Variants in DOCK8 observed in about 807,000 individuals in gnomAD.
The protein encoded by DOCK8 is dedicator of cytokinesis 8, also known as dedicator of cytokinesis protein 8.
DOCK8 carries 141 observed loss-of-function variants against 245.6 expected under a neutral mutation model. That is an observed-to-expected ratio of 0.57 (90% CI 0.50 to 0.66). The LOEUF is 0.66. Among genes scored for constraint, DOCK8 ranks in the 30% least tolerant of loss-of-function variants. The pLI, the probability that DOCK8 is intolerant of heterozygous loss-of-function variation, is 0.00. For synonymous variants in DOCK8, 1,168 were observed against 970.2 expected (o/e 1.20, Z -3.79); for missense variants, 2,965 against 2,603.4 (o/e 1.14, Z -3.02).
chr9:404,980 C>A lies in DOCK8; in HGVS notation c.3297C>A (p.Ile1099=), dbSNP rs752345254. The change falls in exon 27 of 48, where the codon ATC becomes ATA. Residue 1099 remains isoleucine (I), a synonymous_variant. Coordinates refer to ENST00000432829, the MANE Select transcript of DOCK8 (RefSeq NM_203447.4). ...CCATGAGGCTAGAGTTCCTGAGAATCCTCTGTAGCCATGAGCATTACCTCA... is the reference window on the plus strand; with the variant it reads ...CCATGAGGCTAGAGTTCCTGAGAATACTCTGTAGCCATGAGCATTACCTCA... ...LISMRLEFLR[I]LCSHEHYLNL... The A allele has an allele frequency of 5.0e-6, 8 of 1,613,908 alleles. No individual in the cohort carries two copies. In the Admixed American group the frequency reaches 8.3e-5, roughly 17 times the overall value.
intron 33 of DOCK8, among the ~76,000 whole-genome samples, chr9:422,449 G>A (rs564970401): frequency 5.0e-4 from 76 of 152,282 alleles, no homozygotes; most frequent in Non-Finnish European, 9.3e-4. Flanking sequence ...AGCAGGACAC[G>A]GTGCCTAGGA....
At chr9:459,518 T>C (rs2057738722) in intron 46 of DOCK8, among the ~76,000 whole-genome samples, 1 of 152,172 alleles carries the variant, frequency 6.6e-6, no homozygotes, top group Non-Finnish European at 1.5e-5. Context: ...ATGCATGTGG[T>C]ACATAATAAT....
intron 24 of DOCK8, among the ~76,000 whole-genome samples, chr9:394,552 G>A (rs1030092356): frequency 9.2e-5 from 14 of 152,162 alleles, no homozygotes; most frequent in African/African-American, 3.4e-4. Flanking sequence ...CAACCACTTT[G>A]GCATTAGAGC....
rs139366611 is a variant in DOCK8 at position 330,751 on chromosome 9, A to G, written c.1045-1647A>G. ...TTAAGAAAAGTTTTAGGTTAATCTG[A>G]TAGGCTTATTTGCCCTACTTTCCAT... On this transcript the variant is annotated intron_variant, in intron 9 of 47. Coordinates refer to ENST00000432829, the MANE Select transcript of DOCK8 (RefSeq NM_203447.4). Among the ~76,000 whole-genome samples the G allele has an allele frequency of 3.3e-4, 51 of 152,328 alleles. 1 individual carries two copies. The East Asian group carries it at 9.4e-3, about 28-fold the overall frequency.
rs1356593104 is a variant in DOCK8, at chr9:286,606, G to A, written c.302G>A (p.Arg101Lys). 1.2e-6 allele frequency: 2 copies of A among 1,613,792 alleles called. No homozygotes were observed. The highest frequency in any genetic ancestry group is 1.7e-6 in the Non-Finnish European group (2 of 1,179,894). ...LDVVFTPKEC[R>K]TLQPSLPEEG... is the part of the protein sequence containing the mutation. ...GTGGTGTTCACGCCAAAGGAATGTA[G>A]GACTTTGCAGCCCTCTTTGCCGGAG... The change falls in exon 3 of 48, where the codon AGG becomes AAG. Residue 101 changes from arginine (R) to lysine (K), a missense_variant. By Grantham distance (26) the Arg-to-Lys change is conservative. Coordinates refer to ENST00000432829, the MANE Select transcript of DOCK8 (RefSeq NM_203447.4).
In DOCK8 at chr9:249,638, G is replaced by A. The variant is rs142279499; in HGVS notation, c.54-21989G>A. Among the ~76,000 whole-genome samples, 664 of 151,372 alleles carry A rather than the reference G, an allele frequency of 4.4e-3. 4 individuals are homozygous for A. Among genetic ancestry groups the A allele is most frequent in the African/African-American group, 0.015 (625 of 41,222 alleles). On this transcript the variant is annotated intron_variant, in intron 1 of 47. Coordinates refer to ENST00000432829, the MANE Select transcript of DOCK8 (RefSeq NM_203447.4). ...TTTTTAATTTTTTATTTTTTGAGAC[G>A]GAGTCTCGCCCTGTTGCCCAGGCTG...
upstream of DOCK8, among the ~76,000 whole-genome samples, chr9:211,430 T>C (rs1482246097): frequency 6.6e-6 from 1 of 152,072 alleles, no homozygotes; most frequent in East Asian, 1.9e-4. Flanking sequence ...AGAAGAAATA[T>C]GGTGAAACAG....
At chr9:238,053 T>C (rs1053963317) in intron 1 of DOCK8, among the ~76,000 whole-genome samples, 1 of 152,192 alleles carries the variant, frequency 6.6e-6, no homozygotes, top group Non-Finnish European at 1.5e-5. Flanking sequence ...TGTGACTATT[T>C]TTCTTTGCAT....
intron 3 of DOCK8, 81 bp from the exon 4 acceptor site, chr9:289,429 C>T (rs1467398155): frequency 1.8e-6 from 2 of 1,113,770 alleles, no homozygotes; most frequent in Non-Finnish European, 2.7e-6. Context: ...AAATTCGTGT[C>T]ATGTTCCTTG....
chr9:367,928 C>T (rs1314592117), intron 14 of DOCK8, 90 bp from the exon 15 acceptor site: 9 of 1,077,204 alleles, frequency 8.4e-6, no homozygotes, highest in Non-Finnish European at 1.1e-5. Context: ...AAAAAGCACC[C>T]CATGAATGGA....
chr9:249,143 A>G (rs1227713215), intron 1 of DOCK8, among the ~76,000 whole-genome samples: 1 of 152,206 alleles, frequency 6.6e-6, no homozygotes, highest in Non-Finnish European at 1.5e-5. Flanking sequence ...GGGGTTTCCC[A>G]GGATCTTGGG....
chr9:421,569 G>T lies in DOCK8; in HGVS notation c.4154-479G>T, dbSNP rs541970294. Among the ~76,000 whole-genome samples the T allele has an allele frequency of 1.2e-4, 19 of 152,288 alleles. No individual in the cohort carries two copies. In the South Asian group the frequency reaches 3.7e-3, roughly 30 times the overall value. On this transcript the variant is annotated intron_variant, in intron 32 of 47. Coordinates refer to ENST00000432829, the MANE Select transcript of DOCK8 (RefSeq NM_203447.4). ...TCAAGGATTCCACCACAGGAGGAAT[G>T]ATCTCAAAAAGGCTGAGCTTGAATA...
intron 11 of DOCK8, among the ~76,000 whole-genome samples, chr9:336,269 G>A (rs977962988): frequency 1.3e-5 from 2 of 152,204 alleles, no homozygotes; most frequent in South Asian, 4.1e-4. Context: ...ACTAAATAAA[G>A]CTTATCAGGA....
chr9:214,253 G>T (rs1011865608), upstream of DOCK8: 3 of 483,450 alleles, frequency 6.2e-6, no homozygotes, highest in Non-Finnish European at 1.1e-5. Flanking sequence ...GCGTACCCTT[G>T]AATCGCAAGA....
intron 1 of DOCK8, among the ~76,000 whole-genome samples, chr9:238,282 G>A (rs921451086): frequency 6.6e-6 from 1 of 152,084 alleles, no homozygotes; most frequent in Non-Finnish European, 1.5e-5. Context: ...AACATCATAG[G>A]ACCAAATGAA....
At position 446,499 on chromosome 9, in the gene DOCK8, C is replaced by T. The variant is rs772585700; in HGVS notation, c.5710C>T (p.Arg1904Trp). The T allele has an allele frequency of 2.5e-6, 4 of 1,614,104 alleles. No individual in the cohort carries two copies. The highest frequency in any genetic ancestry group is 2.2e-5 in the East Asian group (1 of 44,892). ...MYTTPFTLEG[R>W]PRGELHEQYR... ...CACCACCCCGTTCACCCTGGAGGGG[C>T]GGCCTCGGGGAGAGCTGCATGAGCA... is the stretch of plus-strand genomic sequence containing the variant. Residue 1904 changes from arginine to tryptophan, a missense_variant, in exon 44 of 48, where the codon CGG (arginine) becomes TGG (tryptophan). Transcript: ENST00000432829.
At position 386,393 on chromosome 9, in the gene DOCK8, T is replaced by G. The variant is rs762855232; in HGVS notation, c.2841T>G (p.Ser947Arg). 5.0e-6 allele frequency: 8 copies of G among 1,613,760 alleles called. No homozygotes were observed. Among genetic ancestry groups the G allele is most frequent in the Admixed American group, 3.3e-5 (2 of 59,968 alleles). Residue 947 changes from serine to arginine, a missense_variant, in exon 23 of 48, where the codon AGT (serine) becomes AGG (arginine). By Grantham distance (110) the Ser-to-Arg change is moderately radical (BLOSUM62 -1). Around this residue, in one of 3 missense-constraint regions of DOCK8, gnomAD observed 2,825 missense variants for 2,453.5 expected, o/e 1.15. Coordinates refer to ENST00000432829, the MANE Select transcript of DOCK8 (RefSeq NM_203447.4). ...GCTCTGGCAGTAGTGATGCTCCAAGTTCACCTGCAGCCCCAAGGCCAGCCA... is the reference window on the plus strand; with the variant it reads ...GCTCTGGCAGTAGTGATGCTCCAAGGTCACCTGCAGCCCCAAGGCCAGCCA... ...YYCSGSSDAP[S>R]SPAAPRPASK...
chr9:304,536 C>A (rs766584230), intron 4 of DOCK8, 45 bp from the exon 5 acceptor site: 1 of 1,612,630 alleles, frequency 6.2e-7, no homozygotes. Context: ...GTTTGCCGCT[C>A]TCTCTCCCTC....
At chr9:363,133 A>G (rs1224576026) in intron 14 of DOCK8, among the ~76,000 whole-genome samples, 1 of 152,236 alleles carries the variant, frequency 6.6e-6, no homozygotes, top group South Asian at 2.1e-4. Flanking sequence ...CTGGAGGGAA[A>G]ATCGCTGATG....
Sources: allele counts gnomAD v4.1 joint callset (sites outside exome capture counted in the v4.1 genomes callset), GRCh38; gene constraint gnomAD v4.1.1; regional missense constraint gnomAD v4.1.1; transcripts MANE v1.5; gene names NCBI Gene and HGNC (gene_info 2026-07-23, HGNC 2026-07-21).